The following UEVLD variants were observed in gnomAD, a reference collection of about 807,000 sequenced individuals.
UEVLD encodes the protein ubiquitin-conjugating enzyme E2 variant 3.
Under a neutral mutation model 58.6 loss-of-function variants are expected in UEVLD, and 47 were observed. The ratio of observed to expected loss-of-function variants is 0.80; its 90% CI spans 0.63 to 1.02. The LOEUF is 1.02. Ranked by LOEUF, UEVLD falls within the 50% of genes least tolerant of loss-of-function variation. The pLI is 0.00. For synonymous variants in UEVLD, 197 were observed against 195.3 expected, an observed-to-expected ratio of 1.01 and a Z score of -0.07; for missense variants, 510 against 550.6, an observed-to-expected ratio of 0.93 and a Z score of 0.74.
chr11:18,555,868 G>T (rs1166728460), intron 7 of UEVLD, among the ~76,000 whole-genome samples: 1 of 152,104 alleles, frequency 6.6e-6, no homozygotes, highest in African/African-American at 2.4e-5. Flanking sequence ...AGGATCGCTT[G>T]AACCCAGGAG....
In UEVLD at chr11:18,530,704, C is replaced by A. The variant is rs1472900778; in HGVS notation, c.*1616G>T. ...TAGCTGGAACTACAGGTGCACATCA[C>A]CACACCTGGCTAATTTTTAAACTTT... On this transcript the variant is annotated 3_prime_UTR_variant, in exon 12 of 12. Coordinates refer to ENST00000396197, the MANE Select transcript of UEVLD (RefSeq NM_001040697.4). 1.3e-5 allele frequency: 2 copies of A among 152,230 alleles called. No homozygotes were observed. The highest frequency in any genetic ancestry group is 1.5e-5 in the Non-Finnish European group (1 of 68,422). 9.4% of individuals were successfully genotyped at this position (152,230 alleles called of 1,614,324 possible).
intron 6 of UEVLD, among the ~76,000 whole-genome samples, chr11:18,564,505 A>G (rs1248744367): frequency 1.3e-5 from 2 of 152,134 alleles, no homozygotes; most frequent in Non-Finnish European, 2.9e-5. Context: ...TCCTAAAAGA[A>G]AGTAATTATG....
intron 3 of UEVLD, among the ~76,000 whole-genome samples, chr11:18,571,900 T>C (rs1852638261): frequency 6.6e-6 from 1 of 152,014 alleles, no homozygotes; most frequent in African/African-American, 2.4e-5. Context: ...ATCACACCAC[T>C]GTACTCTAGC....
chr11:18,534,508 T>G, intron 10 of UEVLD, 55 bp from the exon 11 acceptor site: 1 of 1,526,710 alleles, frequency 6.6e-7, no homozygotes, highest in Non-Finnish European at 8.7e-7. Context: ...CACATTTAGT[T>G]TTACATTCTG....
Position 18,532,404 on chromosome 11 carries a change from G to A in UEVLD, c.1332C>T (p.Thr444=). The A allele has an allele frequency of 6.2e-7, 1 of 1,613,346 alleles. No homozygotes were observed. Among genetic ancestry groups the A allele is most frequent in the Non-Finnish European group, 8.5e-7 (1 of 1,179,664 alleles). The part of the protein sequence containing the change: ...GTNGVSEVIK[T]TLKEDTVTEK... ...CAGTAACTGTATCTTCTTTCAGTGT[G>A]GTTTTGATAACTTCAGATACTCCAT... The change falls in exon 12 of 12, where the codon ACC becomes ACT. Residue 444 remains threonine, a synonymous_variant. Transcript: ENST00000396197.
Position 18,588,672 on chromosome 11 carries a change from G to A in UEVLD, c.-18C>T. 1 of 1,607,440 alleles carries A rather than the reference G, an allele frequency of 6.2e-7. No individual in the cohort carries two copies. Among genetic ancestry groups the A allele is most frequent in the Non-Finnish European group, 8.5e-7 (1 of 1,179,646 alleles). ...AACTCCATCTCCAGGCCGGTCCCGA[G>A]CTAGGTCCCAGGACTCCAGCCCCCG... On this transcript the variant is annotated 5_prime_UTR_variant, in exon 1 of 12. Coordinates refer to ENST00000396197, the MANE Select transcript of UEVLD (RefSeq NM_001040697.4).
chr11:18,532,464 T>C lies in UEVLD; in HGVS notation c.1272A>G (p.Glu424=), dbSNP rs1422129975. 6.2e-7 allele frequency: 1 copy of C among 1,611,556 alleles called. No individual in the cohort carries two copies. Among genetic ancestry groups the C allele is most frequent in the South Asian group, 1.1e-5 (1 of 90,516 alleles). The change falls in exon 12 of 12, where the codon GAA becomes GAG. Residue 424 remains glutamate, a synonymous_variant. Coordinates refer to ENST00000396197, the MANE Select transcript of UEVLD (RefSeq NM_001040697.4). ...GGATGCAAGGCAAACTTAAAAACAC[T>C]TCACTATTTATATCATAATATCCCT... ...LAKGYYDINS[E]VFLSLPCILG...
At chr11:18,584,435 A>G (rs927663389) in intron 1 of UEVLD, among the ~76,000 whole-genome samples, 2 of 152,080 alleles carry the variant, frequency 1.3e-5, no homozygotes, top group Non-Finnish European at 2.9e-5. Flanking sequence ...GTACTGGTGA[A>G]TTGACCCACC....
intron 6 of UEVLD, among the ~76,000 whole-genome samples, chr11:18,559,437 G>C (rs993386262): frequency 6.6e-6 from 1 of 152,106 alleles, no homozygotes; most frequent in Non-Finnish European, 1.5e-5. Context: ...GACCTCAAGT[G>C]ATCTGCCTGC....
intron 1 of UEVLD, among the ~76,000 whole-genome samples, chr11:18,583,508 C>T (rs1853368214): frequency 6.6e-6 from 1 of 152,108 alleles, no homozygotes; most frequent in South Asian, 2.1e-4. Context: ...CGTGAGCTAC[C>T]ACGCTCGGCC....
chr11:18,556,668 T>G (rs1490788307), intron 7 of UEVLD, among the ~76,000 whole-genome samples: 3 of 152,148 alleles, frequency 2.0e-5, no homozygotes, highest in Non-Finnish European at 2.9e-5. Context: ...CCTTTTTTCT[T>G]TTTTTTGGAT....
At chr11:18,587,000 T>A (rs1416292364) in intron 1 of UEVLD, among the ~76,000 whole-genome samples, 1 of 152,046 alleles carries the variant, frequency 6.6e-6, no homozygotes, top group East Asian at 1.9e-4. Flanking sequence ...CCACTGCACT[T>A]CAACCTGGGT....
chr11:18,586,963 C>T (rs1224178320), intron 1 of UEVLD, among the ~76,000 whole-genome samples: 2 of 152,124 alleles, frequency 1.3e-5, no homozygotes, highest in East Asian at 1.9e-4. Context: ...ACCCAGGAGG[C>T]GGAGATGGCA....
chr11:18,566,365 T>C lies in UEVLD; in HGVS notation c.475A>G (p.Ile159Val). The C allele has an allele frequency of 6.2e-7, 1 of 1,614,082 alleles. No individual in the cohort carries two copies. Among genetic ancestry groups the C allele is most frequent in the Non-Finnish European group, 8.5e-7 (1 of 1,180,030 alleles). The change falls in exon 5 of 12, where the codon ATT becomes GTT. Residue 159 changes from isoleucine (I) to valine (V), a missense_variant. By Grantham distance (29) the Ile-to-Val change is conservative. Transcript: ENST00000396197. ...TACAAACCTTCAGTGATTTTTGCAA[T>C]ATAGGCTAGCAAGTCTACCTGCCGT... Reference protein sequence around the residue: ...EARQVDLLAYIAKITEGVSDT... With the variant: ...EARQVDLLAYVAKITEGVSDT...
intron 6 of UEVLD, among the ~76,000 whole-genome samples, chr11:18,561,773 A>C (rs1013998586): frequency 6.6e-6 from 1 of 151,126 alleles, no homozygotes; most frequent in African/African-American, 2.4e-5. Flanking sequence ...AGGAGGTTGC[A>C]GTGAGCTGAG....
intron 7 of UEVLD, among the ~76,000 whole-genome samples, chr11:18,549,187 C>G (rs962050846): frequency 1.3e-5 from 2 of 152,216 alleles, no homozygotes; most frequent in Non-Finnish European, 2.9e-5. Flanking sequence ...CTATTAAACA[C>G]TATGCTACAT....
At chr11:18,557,335 G>T (rs1333560117) in intron 7 of UEVLD, among the ~76,000 whole-genome samples, 1 of 151,152 alleles carries the variant, frequency 6.6e-6, no homozygotes, top group Admixed American at 6.6e-5. Flanking sequence ...TGTATTTTTA[G>T]TAGAGATGGG....
intron 7 of UEVLD, among the ~76,000 whole-genome samples, chr11:18,554,982 A>G (rs1851697097): frequency 6.6e-6 from 1 of 152,172 alleles, no homozygotes; most frequent in Non-Finnish European, 1.5e-5. Context: ...GTCAGTTAAC[A>G]TTACATTTAA....
chr11:18,578,669 C>T lies in UEVLD; in HGVS notation c.127+55G>A, dbSNP rs187467040. On this transcript the variant is annotated intron_variant, in intron 2 of 11. Coordinates refer to ENST00000396197, the MANE Select transcript of UEVLD (RefSeq NM_001040697.4). Reference sequence around the variant, plus strand: ...TTACAATTTTGCAGCTCTTTAGGACCAAAAATTAGTAGTTCAAATAATGCA... The same window carrying T: ...TTACAATTTTGCAGCTCTTTAGGACTAAAAATTAGTAGTTCAAATAATGCA... The T allele has an allele frequency of 8.9e-4, 1,235 of 1,384,030 alleles. 1 individual carries two copies. Among genetic ancestry groups the T allele is most frequent in the Middle Eastern group, 2.3e-3 (13 of 5,642 alleles). The allele number at this position is 1,384,030 out of a possible 1,614,324, so 85.7% of individuals were successfully genotyped here.
Sources: allele counts gnomAD v4.1 joint callset (sites outside exome capture counted in the v4.1 genomes callset), GRCh38; gene constraint gnomAD v4.1.1; transcripts MANE v1.5; gene names NCBI Gene and HGNC (gene_info 2026-07-23, HGNC 2026-07-21).